The following SAXO1 variants were observed in gnomAD, a reference collection of about 807,000 sequenced individuals.
The protein encoded by SAXO1 is 4930500O09Rik.
SAXO1 carries 21 observed loss-of-function variants against 17.5 expected under a neutral mutation model. That is an observed-to-expected ratio of 1.20 (90% CI 0.85 to 1.72). The LOEUF is 1.72. SAXO1 is among the 40% of genes most tolerant of loss of function. SAXO1 has a pLI of 0.00. For missense variants in SAXO1, 843 were observed against 596.0 expected, an observed-to-expected ratio of 1.41 and a Z score of -4.32; for synonymous variants, 274 against 216.5, an observed-to-expected ratio of 1.27 and a Z score of -2.33.
chr9:18,929,196 C>T, intron 3 of SAXO1, 141 bp from the exon 4 acceptor site: 2 of 940,406 alleles, frequency 2.1e-6, no homozygotes, highest in South Asian at 1.8e-5. Flanking sequence ...ATCCCTGCTA[C>T]CACTTCATTC....
intron 1 of SAXO1, among the ~76,000 whole-genome samples, chr9:18,951,563 A>G (rs1739548490): frequency 6.6e-6 from 1 of 152,136 alleles, no homozygotes; most frequent in African/African-American, 2.4e-5. Flanking sequence ...CAGCCTTAGA[A>G]AGACTTCCGC....
chr9:18,931,354 C>A (rs781711929), intron 3 of SAXO1, among the ~76,000 whole-genome samples: 1 of 152,124 alleles, frequency 6.6e-6, no homozygotes, highest in African/African-American at 2.4e-5. Context: ...CAGTAGTTCA[C>A]CTTTTTATTG....
chr9:19,003,682 G>C (rs545770439), intron 1 of SAXO1, among the ~76,000 whole-genome samples: 86 of 152,286 alleles, frequency 5.6e-4, no homozygotes, highest in African/African-American at 2.0e-3. Flanking sequence ...GGGAAAACTG[G>C]CTAGCCATAT....
intron 1 of SAXO1, among the ~76,000 whole-genome samples, chr9:18,958,530 A>G (rs1220194725): frequency 6.6e-6 from 1 of 152,098 alleles, no homozygotes; most frequent in Admixed American, 6.6e-5. Context: ...AAGTCAGAGA[A>G]AAGCAACTTT....
chr9:18,977,072 C>A (rs1056252406), intron 1 of SAXO1, among the ~76,000 whole-genome samples: 19 of 152,226 alleles, frequency 1.2e-4, no homozygotes, highest in Non-Finnish European at 2.2e-4. Flanking sequence ...ATGAGGTCAT[C>A]TTCGTGGACT....
intron 1 of SAXO1, among the ~76,000 whole-genome samples, chr9:18,998,016 A>G (rs1198327277): frequency 1.3e-5 from 2 of 152,220 alleles, no homozygotes; most frequent in African/African-American, 4.8e-5. Flanking sequence ...GAGAGAAACC[A>G]GAGCAGAAAG....
intron 2 of SAXO1, among the ~76,000 whole-genome samples, chr9:18,946,230 C>T (rs934166162): frequency 4.4e-5 from 6 of 135,556 alleles, no homozygotes; most frequent in East Asian, 2.2e-4. Context: ...GAGCCGAGAT[C>T]GTGCCACTGC....
chr9:18,999,177 C>T (rs1588504828), intron 1 of SAXO1, among the ~76,000 whole-genome samples: 2 of 152,216 alleles, frequency 1.3e-5, no homozygotes, highest in East Asian at 3.9e-4. Flanking sequence ...GATAAAGAGT[C>T]AAGACCTACC....
At chr9:19,014,235 C>T (rs1834870887) in intron 1 of SAXO1, among the ~76,000 whole-genome samples, 1 of 151,804 alleles carries the variant, frequency 6.6e-6, no homozygotes, top group African/African-American at 2.4e-5. Context: ...CTGAGGTGGG[C>T]AGATCACTTG....
chr9:19,037,781 C>G (rs111604621), upstream of SAXO1, among the ~76,000 whole-genome samples: 67 of 152,298 alleles, frequency 4.4e-4, no homozygotes, highest in African/African-American at 1.5e-3. Context: ...AACTTGCTAT[C>G]AAGTTACATC....
intron 1 of SAXO1, among the ~76,000 whole-genome samples, chr9:18,953,801 T>C (rs10757010): frequency 0.56 from 85,716 of 151,734 alleles, 26,955 homozygotes; most frequent in Non-Finnish European, 0.71. Context: ...AAACAGTGTG[T>C]AAGAGGATGA....
At chr9:18,944,598 T>C (rs966749911) in intron 2 of SAXO1, among the ~76,000 whole-genome samples, 2 of 152,188 alleles carry the variant, frequency 1.3e-5, no homozygotes, top group African/African-American at 4.8e-5. Context: ...AAGTTTCTTT[T>C]AGGTAAGTAG....
chr9:19,025,419 A>C (rs1412955434), intron 1 of SAXO1, among the ~76,000 whole-genome samples: 1 of 152,198 alleles, frequency 6.6e-6, no homozygotes, highest in Non-Finnish European at 1.5e-5. Flanking sequence ...ATAAAATCTA[A>C]GGTTAAGGAA....
intron 1 of SAXO1, among the ~76,000 whole-genome samples, chr9:19,039,341 T>C (rs912151267): frequency 2.0e-5 from 3 of 152,356 alleles, no homozygotes; most frequent in Non-Finnish European, 4.4e-5. Context: ...GATGTGATTA[T>C]AACTCTAGGC....
At chr9:18,961,624 G>A (rs1476857815) in intron 1 of SAXO1, among the ~76,000 whole-genome samples, 1 of 152,112 alleles carries the variant, frequency 6.6e-6, no homozygotes, top group African/African-American at 2.4e-5. Flanking sequence ...TGCTGAGAAT[G>A]ATGGTTTCCA....
intron 1 of SAXO1, among the ~76,000 whole-genome samples, chr9:18,974,039 C>T (rs1588464087): frequency 6.6e-6 from 1 of 152,282 alleles, no homozygotes; most frequent in East Asian, 1.9e-4. Flanking sequence ...AAACTTGGGG[C>T]CCTTATGTCT....
chr9:19,035,995 T>C (rs1835925571), upstream of SAXO1, among the ~76,000 whole-genome samples: 3 of 150,812 alleles, frequency 2.0e-5, no homozygotes, highest in South Asian at 6.2e-4. Flanking sequence ...CTCAGCAAAC[T>C]AACACAAGAA....
chr9:18,989,398 TAG>T (rs1833716761), intron 1 of SAXO1, among the ~76,000 whole-genome samples: 1 of 152,228 alleles, frequency 6.6e-6, no homozygotes, highest in Non-Finnish European at 1.5e-5. Context: ...TGAAATTTTT[TAG>T]GTATATTGAT....
chr9:18,948,738 T>C (rs954694148), intron 2 of SAXO1, among the ~76,000 whole-genome samples: 3 of 152,118 alleles, frequency 2.0e-5, no homozygotes, highest in African/African-American at 7.2e-5. Context: ...CTCCTAAGCT[T>C]TGGGCAGCTA....
Sources: allele counts gnomAD v4.1 joint callset (sites outside exome capture counted in the v4.1 genomes callset), GRCh38; gene constraint gnomAD v4.1.1; transcripts MANE v1.5; gene names NCBI Gene and HGNC (gene_info 2026-07-23, HGNC 2026-07-21).